NAALADL2: variants seen among roughly 807,000 people sequenced by gnomAD.
NAALADL2 encodes inactive N-acetylated-alpha-linked acidic dipeptidase-like protein 2.
A neutral mutation model predicts 87.2 loss-of-function variants in NAALADL2; 76 were observed. That is an observed-to-expected ratio of 0.87 (90% confidence interval 0.72 to 1.05). The LOEUF (loss-of-function observed/expected upper bound fraction) is 1.05, where lower values mean the gene tolerates loss of function less well. Among genes scored for constraint, NAALADL2 ranks in the 50% least tolerant of loss-of-function variants. The pLI is 0.00. For missense variants in NAALADL2, 1,089 were observed against 945.8 expected, an observed-to-expected ratio of 1.15 and a Z score of -1.99; for synonymous variants, 354 against 331.0, an observed-to-expected ratio of 1.07 and a Z score of -0.75.
intron 1 of NAALADL2, among the ~76,000 whole-genome samples, chr3:175,041,697 G>T (rs1384040301): frequency 6.6e-6 from 1 of 152,074 alleles, no homozygotes; most frequent in African/African-American, 2.4e-5. Context: ...ACACTTGCAG[G>T]CTTTAGAGGA....
chr3:175,741,826 G>C (rs1745271121), intron 12 of NAALADL2, among the ~76,000 whole-genome samples: 1 of 152,122 alleles, frequency 6.6e-6, no homozygotes, highest in East Asian at 1.9e-4. Flanking sequence ...GTGAACTCAA[G>C]ATATCTAAGA....
At chr3:175,389,407 C>A (rs1334243492) in intron 5 of NAALADL2, among the ~76,000 whole-genome samples, 1 of 152,092 alleles carries the variant, frequency 6.6e-6, no homozygotes, top group Non-Finnish European at 1.5e-5. Flanking sequence ...ATTGTTCTGG[C>A]TTTATAAGTT....
intron 1 of NAALADL2, among the ~76,000 whole-genome samples, chr3:174,985,229 G>A (rs1745693684): frequency 6.6e-6 from 1 of 152,168 alleles, no homozygotes; most frequent in African/African-American, 2.4e-5. Flanking sequence ...CTGTTGATCA[G>A]ATCTGAGTAT....
chr3:174,468,799 G>A (rs910029802), intron 1 of NAALADL2, among the ~76,000 whole-genome samples: 2 of 115,918 alleles, frequency 1.7e-5, no homozygotes, highest in African/African-American at 3.4e-5. Flanking sequence ...TCTCACTCTT[G>A]TCACCCAGGC....
intron 1 of NAALADL2, among the ~76,000 whole-genome samples, chr3:174,482,017 T>C (rs1312522019): frequency 6.6e-6 from 1 of 152,024 alleles, no homozygotes; most frequent in Non-Finnish European, 1.5e-5. Flanking sequence ...GGGGAACCCT[T>C]CCAAGATCTG....
intron 1 of NAALADL2, among the ~76,000 whole-genome samples, chr3:174,970,611 G>A (rs1253441522): frequency 1.3e-5 from 2 of 152,182 alleles, no homozygotes. Flanking sequence ...AGAAGAGACA[G>A]AAGCTGTGGG....
At chr3:174,704,746 G>C (rs1368621200) in intron 2 of NAALADL2, among the ~76,000 whole-genome samples, 1 of 152,024 alleles carries the variant, frequency 6.6e-6, no homozygotes, top group Non-Finnish European at 1.5e-5. Context: ...ATACCCCATG[G>C]ATTAATTGGA....
intron 2 of NAALADL2, among the ~76,000 whole-genome samples, chr3:175,137,105 C>T (rs1043495018): frequency 6.6e-6 from 1 of 152,018 alleles, no homozygotes; most frequent in African/African-American, 2.4e-5. Flanking sequence ...ATTTTGTAGT[C>T]TTAAGCTTGT....
chr3:175,362,990 T>G (rs1031714311), intron 5 of NAALADL2, among the ~76,000 whole-genome samples: 3 of 147,866 alleles, frequency 2.0e-5, no homozygotes, highest in Non-Finnish European at 4.5e-5. Flanking sequence ...CTACCTGTAT[T>G]GACATCTCAG....
At chr3:175,678,735 G>A (rs994326070) in intron 11 of NAALADL2, among the ~76,000 whole-genome samples, 3 of 152,146 alleles carry the variant, frequency 2.0e-5, no homozygotes, top group Admixed American at 6.5e-5. Flanking sequence ...GGGGTGGGGG[G>A]AGAGGTGAGG....
chr3:174,484,012 G>A (rs1445628229), intron 1 of NAALADL2, among the ~76,000 whole-genome samples: 4 of 152,030 alleles, frequency 2.6e-5, no homozygotes, highest in African/African-American at 2.4e-5. Flanking sequence ...TGTTTGGCAT[G>A]GCATGATTTC....
chr3:175,383,635 C>A (rs1335990242), intron 5 of NAALADL2, among the ~76,000 whole-genome samples: 1 of 151,604 alleles, frequency 6.6e-6, no homozygotes, highest in African/African-American at 2.4e-5. Context: ...GTGTTTCTTG[C>A]CAATTTGATT....
At chr3:175,577,984 T>A (rs1044540992) in intron 10 of NAALADL2, among the ~76,000 whole-genome samples, 23 of 152,312 alleles carry the variant, frequency 1.5e-4, no homozygotes, top group African/African-American at 4.6e-4. Flanking sequence ...GAGCTTTTTT[T>A]ATGAAGTCAC....
At chr3:175,594,881 T>C (rs1281522126) in intron 10 of NAALADL2, among the ~76,000 whole-genome samples, 1 of 152,140 alleles carries the variant, frequency 6.6e-6, no homozygotes, top group Admixed American at 6.6e-5. Context: ...TTAAATTTCT[T>C]ATACATTCTA....
chr3:174,929,029 C>T (rs964702339), intron 1 of NAALADL2, among the ~76,000 whole-genome samples: 1 of 151,988 alleles, frequency 6.6e-6, no homozygotes, highest in African/African-American at 2.4e-5. Flanking sequence ...ATTTTATAAG[C>T]TGTTATATGG....
At chr3:174,605,463 C>G (rs546192788) in intron 2 of NAALADL2, among the ~76,000 whole-genome samples, 1 of 152,206 alleles carries the variant, frequency 6.6e-6, no homozygotes, top group Non-Finnish European at 1.5e-5. Flanking sequence ...CACTCCCACC[C>G]GAATACTGCA....
intron 3 of NAALADL2, among the ~76,000 whole-genome samples, chr3:174,790,657 A>G (rs1717352199): frequency 6.6e-6 from 1 of 152,146 alleles, no homozygotes; most frequent in South Asian, 2.1e-4. Flanking sequence ...TCAAAAAAAA[A>G]AAAATGTGCG....
At chr3:175,658,013 A>G (rs1230199227) in intron 11 of NAALADL2, among the ~76,000 whole-genome samples, 2 of 152,012 alleles carry the variant, frequency 1.3e-5, no homozygotes, top group African/African-American at 2.4e-5. Context: ...TAATATATAC[A>G]TATGTATGCA....
At chr3:175,385,368 A>G (rs1768252230) in intron 5 of NAALADL2, among the ~76,000 whole-genome samples, 1 of 152,042 alleles carries the variant, frequency 6.6e-6, no homozygotes, top group Non-Finnish European at 1.5e-5. Context: ...TTTTTGTCTT[A>G]CCTTACTTTT....
Sources: allele counts gnomAD v4.1 joint callset (sites outside exome capture counted in the v4.1 genomes callset), GRCh38; gene constraint gnomAD v4.1.1; transcripts MANE v1.5; gene names NCBI Gene and HGNC (gene_info 2026-07-23, HGNC 2026-07-21).